The following RFX3 variants were observed in gnomAD, a reference collection of about 807,000 sequenced individuals.
RFX3 encodes regulatory factor X3.
Under a neutral mutation model 98.6 loss-of-function variants are expected in RFX3, and 14 were observed. The ratio of observed to expected loss-of-function variants is 0.14; its 90% CI spans 0.09 to 0.22. The LOEUF is 0.22. Among genes scored for constraint, RFX3 ranks in the 10% least tolerant of loss-of-function variants. The probability of loss-of-function intolerance (pLI) is 1.00; values close to 1 mark genes in which losing one functional copy is unlikely to be tolerated. For missense variants in RFX3, 639 were observed against 926.9 expected (o/e 0.69, Z 4.03); for synonymous variants, 383 against 328.4 (o/e 1.17, Z -1.80).
At chr9:3,510,074 T>C (rs1303449224) in intron 1 of RFX3, among the ~76,000 whole-genome samples, 5 of 152,018 alleles carry the variant, frequency 3.3e-5, no homozygotes, top group African/African-American at 9.7e-5. Context: ...TGTGTGACTC[T>C]AGTGAGAGAC....
intron 8 of RFX3, among the ~76,000 whole-genome samples, chr9:3,275,882 G>A (rs1158786741): frequency 6.6e-6 from 1 of 151,980 alleles, no homozygotes; most frequent in East Asian, 1.9e-4. Context: ...GCATATCACA[G>A]TGTCTCTCAA....
intron 1 of RFX3, among the ~76,000 whole-genome samples, chr9:3,503,216 C>T (rs1043127225): frequency 2.6e-5 from 4 of 152,030 alleles, no homozygotes; most frequent in African/African-American, 7.2e-5. Context: ...GACATAAATG[C>T]CTGGGCATAT....
chr9:3,368,460 G>T (rs931530975), intron 2 of RFX3, among the ~76,000 whole-genome samples: 1 of 152,020 alleles, frequency 6.6e-6, no homozygotes, highest in Admixed American at 6.6e-5. Flanking sequence ...ATTTCAAGAG[G>T]ACTGAGAACA....
intron 1 of RFX3, among the ~76,000 whole-genome samples, chr9:3,461,820 C>G (rs914631740): frequency 4.0e-5 from 6 of 151,878 alleles, no homozygotes; most frequent in Admixed American, 2.6e-4. Context: ...TCAATTTTTA[C>G]AAAGGCCTAT....
At chr9:3,261,181 A>G (rs1822840141) in intron 13 of RFX3, among the ~76,000 whole-genome samples, 1 of 152,108 alleles carries the variant, frequency 6.6e-6, no homozygotes, top group African/African-American at 2.4e-5. Flanking sequence ...TCTAAAGAAT[A>G]CCGTTCAAAG....
chr9:3,253,081 C>T (rs1317117248), intron 14 of RFX3, among the ~76,000 whole-genome samples: 2 of 152,262 alleles, frequency 1.3e-5, no homozygotes, highest in South Asian at 4.1e-4. Context: ...ACCATGAATT[C>T]AACTCTTTTT....
rs1419890318 is a variant in RFX3 at position 3,219,135 on chromosome 9, G to A, written c.*5907C>T. 1 of 152,078 alleles carries A rather than the reference G, an allele frequency of 6.6e-6. No homozygotes were observed. 9.4% of individuals were successfully genotyped at this position (152,078 alleles called of 1,614,324 possible). ...AGGTCCAAATTGATGATGGAAATGA[G>A]TAGAGAAAAAAATTTGCTTTGGTAC... On this transcript the variant is annotated 3_prime_UTR_variant, in exon 17 of 17. Coordinates refer to ENST00000617270, the MANE Select transcript of RFX3 (RefSeq NM_001282116.2).
At chr9:3,324,973 C>A (rs1377585318) in intron 4 of RFX3, among the ~76,000 whole-genome samples, 1 of 151,670 alleles carries the variant, frequency 6.6e-6, no homozygotes, top group African/African-American at 2.4e-5. Context: ...CAAAAAAAAT[C>A]AAAAATCAAT....
chr9:3,395,643 A>G lies in RFX3; in HGVS notation c.-8-47T>C, dbSNP rs1840780116. On this transcript the variant is annotated intron_variant, in intron 1 of 16. Transcript: ENST00000617270. ...TTAAAGTTTAAAATGTCACTCCTGC[A>G]TGACTAGCTTCCTTACAATTGTTCT... 3 of 1,595,726 alleles carry G rather than the reference A, an allele frequency of 1.9e-6. No homozygotes were observed. The African/African-American group carries it at 4.0e-5, about 21-fold the overall frequency.
chr9:3,304,349 G>T (rs1829025588), intron 4 of RFX3, among the ~76,000 whole-genome samples: 1 of 151,866 alleles, frequency 6.6e-6, no homozygotes, highest in Admixed American at 6.6e-5. Flanking sequence ...CATAGTAACT[G>T]TGTGACTGTC....
chr9:3,350,555 G>A (rs924005138), intron 2 of RFX3, among the ~76,000 whole-genome samples: 7 of 152,072 alleles, frequency 4.6e-5, no homozygotes, highest in African/African-American at 1.7e-4. Context: ...CAGTAATCAT[G>A]TTCCCTGGTG....
intron 14 of RFX3, among the ~76,000 whole-genome samples, chr9:3,256,681 T>C (rs1485045958): frequency 6.6e-6 from 1 of 152,176 alleles, no homozygotes; most frequent in African/African-American, 2.4e-5. Context: ...GGGAGGACAG[T>C]TGCCCTTTTC....
rs920673691 is a variant in RFX3, at chr9:3,488,861, T to A, written c.-9+36886A>T. The A allele has an allele frequency of 7.1e-6, 7 of 984,786 alleles. No individual in the cohort carries two copies. In the African/African-American group the frequency reaches 8.7e-5, roughly 12 times the overall value. The allele number at this position is 984,786 out of a possible 1,614,324, so 61.0% of individuals were successfully genotyped here. ...TCTTAACTAGCAGATTGAGTGTTTA[T>A]CTTCCCAAAGAAACTAGAGTATCCT... On this transcript the variant is annotated intron_variant, in intron 1 of 16. Transcript: ENST00000617270.
intron 1 of RFX3, among the ~76,000 whole-genome samples, chr9:3,485,849 G>A (rs1279868290): frequency 1.3e-5 from 2 of 152,120 alleles, no homozygotes; most frequent in Non-Finnish European, 2.9e-5. Context: ...TATTGGCTGA[G>A]TGCAGTGGCT....
intron 1 of RFX3, among the ~76,000 whole-genome samples, chr9:3,467,851 A>C (rs1178920465): frequency 6.6e-6 from 1 of 152,192 alleles, no homozygotes; most frequent in Non-Finnish European, 1.5e-5. Context: ...CAACAAAATA[A>C]GAAACATTTC....
chr9:3,487,415 T>C (rs1451650099), intron 1 of RFX3, among the ~76,000 whole-genome samples: 8 of 152,210 alleles, frequency 5.3e-5, no homozygotes, highest in Non-Finnish European at 1.2e-4. Context: ...CAATTGTTAT[T>C]GGCCCTGGTA....
At chr9:3,309,947 T>C (rs529279831) in intron 4 of RFX3, among the ~76,000 whole-genome samples, 1 of 152,228 alleles carries the variant, frequency 6.6e-6, no homozygotes, top group South Asian at 2.1e-4. Context: ...AGGTGGAGGA[T>C]CACTGGCAGA....
At position 3,341,934 on chromosome 9, in the gene RFX3, A is replaced by G. The variant is rs147860879; in HGVS notation, c.215+4733T>C. Reference sequence around the variant, plus strand: ...AGGAGACAGCATTTGAATAATAAGAAGAAAGCATAATTTCACCTGCAAATA... The same window carrying G: ...AGGAGACAGCATTTGAATAATAAGAGGAAAGCATAATTTCACCTGCAAATA... On this transcript the variant is annotated intron_variant, in intron 3 of 16. Coordinates refer to ENST00000617270, the MANE Select transcript of RFX3 (RefSeq NM_001282116.2). Among the ~76,000 whole-genome samples, 6 of 152,332 alleles carry G rather than the reference A, an allele frequency of 3.9e-5. No homozygotes were observed. In the East Asian group the frequency reaches 9.6e-4, roughly 24 times the overall value.
At chr9:3,254,721 C>A (rs1821882055) in intron 14 of RFX3, among the ~76,000 whole-genome samples, 1 of 152,072 alleles carries the variant, frequency 6.6e-6, no homozygotes, top group African/African-American at 2.4e-5. Context: ...AAAAAATATT[C>A]CCAAATTAAA....
Sources: allele counts gnomAD v4.1 joint callset (sites outside exome capture counted in the v4.1 genomes callset), GRCh38; gene constraint gnomAD v4.1.1; transcripts MANE v1.5; gene names NCBI Gene and HGNC (gene_info 2026-07-23, HGNC 2026-07-21).